HDHD5: variants seen among roughly 807,000 people sequenced by gnomAD.
HDHD5 encodes the protein haloacid dehalogenase like hydrolase domain containing 5, also known as haloacid dehalogenase-like hydrolase domain-containing 5.
HDHD5 carries 34 observed loss-of-function variants against 35.5 expected under a neutral mutation model. The ratio of observed to expected loss-of-function variants is 0.96; its 90% CI spans 0.73 to 1.28. The LOEUF (loss-of-function observed/expected upper bound fraction) is 1.28. HDHD5 is among the 50% of genes most tolerant of loss of function. HDHD5 has a pLI of 0.00. For synonymous variants in HDHD5, 248 were observed against 240.6 expected (o/e 1.03, Z -0.29); for missense variants, 589 against 560.2 (o/e 1.05, Z -0.52).
chr22:17,159,286 G>GCCC (rs746678755), upstream of HDHD5: 1,039 of 1,039,826 alleles, frequency 1.0e-3, 8 homozygotes, highest in African/African-American at 2.5e-3. Flanking sequence ...ACGGCGTGCG[G>GCCC]CCCCCCCCCC....
At chr22:17,160,075 T>G (rs552822980), upstream of HDHD5, among the ~76,000 whole-genome samples, 1 of 152,212 alleles carries the variant, frequency 6.6e-6, no homozygotes, top group African/African-American at 2.4e-5. Context: ...GAGGTCTCCA[T>G]TCCCACCGTT....
In HDHD5 at chr22:17,141,127, G is replaced by A. The variant is rs149316122; in HGVS notation, c.678C>T (p.Pro226=). The stretch of plus-strand genomic sequence containing the variant: ...TGGCTAGGACGGGGAGGTGGGGGTA[G>A]GGGGGTGTTGCCAGGCCAGCCCCAG... ...GSPGAGLATP[P]YPHLPVLASN... Residue 226 remains proline, a synonymous_variant, in exon 6 of 8, where the codon CCC becomes CCT. Coordinates refer to ENST00000336737, the MANE Select transcript of HDHD5 (RefSeq NM_033070.3). 84 of 1,594,748 alleles carry A rather than the reference G, an allele frequency of 5.3e-5. No homozygotes were observed. The highest frequency in any genetic ancestry group is 7.0e-5 in the Non-Finnish European group (82 of 1,172,520).
rs2061707423 is a variant in HDHD5, at chr22:17,149,895, C to T, written c.127-150G>A. On this transcript the variant is annotated intron_variant, in intron 1 of 7. Transcript: ENST00000336737. ...AAATGAAGATGGGATTCTGATAGGG[C>T]AATCTTTAAATAGAAAATAGAGAAA... 4.9e-6 allele frequency: 3 copies of T among 617,582 alleles called. No individual in the cohort carries two copies. The South Asian group carries it at 6.0e-5, about 12-fold the overall frequency. The allele number at this position is 617,582 out of a possible 1,614,324, so 38.3% of individuals were successfully genotyped here.
In HDHD5 at chr22:17,149,690, T is replaced by C. The variant is rs777140723; in HGVS notation, c.182A>G (p.His61Arg). ...LDIDGVLVRG[H>R]RVIPAALKAF... ...TTTCAGAGCAGCAGGGATCACTCTG[T>C]GGCCCCGCACAAGCACTCCATCGAT... The change falls in exon 2 of 8, where the codon CAC becomes CGC. Residue 61 changes from histidine (H) to arginine (R), a missense_variant. Coordinates refer to ENST00000336737, the MANE Select transcript of HDHD5 (RefSeq NM_033070.3). 8 of 1,614,038 alleles carry C rather than the reference T, an allele frequency of 5.0e-6. No homozygotes were observed. Among genetic ancestry groups the C allele is most frequent in the Admixed American group, 1.7e-5 (1 of 60,026 alleles).
At chr22:17,162,097 A>G (rs991935491), upstream of HDHD5, among the ~76,000 whole-genome samples, 2 of 152,184 alleles carry the variant, frequency 1.3e-5, no homozygotes, top group Non-Finnish European at 2.9e-5. Context: ...TCATGTGGTG[A>G]GGCCATTCAA....
chr22:17,138,500 G>C, intron 7 of HDHD5, 50 bp downstream of exon 7: 1 of 1,579,544 alleles, frequency 6.3e-7, no homozygotes, highest in Non-Finnish European at 8.7e-7. Flanking sequence ...GAGGAGGAGG[G>C]AGAGAAGGGG....
intron 1 of HDHD5, among the ~76,000 whole-genome samples, chr22:17,157,980 A>G (rs767033180): frequency 6.6e-6 from 1 of 152,202 alleles, no homozygotes; most frequent in Non-Finnish European, 1.5e-5. Context: ...ACTGTGAAGT[A>G]CTTAGAATAG....
At chr22:17,148,300 C>T (rs1480676042) in intron 3 of HDHD5, 148 bp downstream of exon 3, 12 of 694,990 alleles carry the variant, frequency 1.7e-5, no homozygotes, top group South Asian at 5.1e-5. Context: ...TGACCACAGT[C>T]GGGAGCTGTC....
rs1369488924 is a variant in HDHD5, at chr22:17,148,532, T to A, written c.359A>T (p.His120Leu). ...CTCGGAGAAGAGCTTCATGGGGCTGTGAGAGAGGATAACTTGGTCTGCATC... is the reference window on the plus strand; with the variant it reads ...CTCGGAGAAGAGCTTCATGGGGCTGAGAGAGAGGATAACTTGGTCTGCATC... ...EVDADQVILS[H>L]SPMKLFSEYH... The change falls in exon 3 of 8, where the codon CAC becomes CTC. Residue 120 changes from histidine to leucine, a missense_variant. Coordinates refer to ENST00000336737, the MANE Select transcript of HDHD5 (RefSeq NM_033070.3). 2 of 1,613,736 alleles carry A rather than the reference T, an allele frequency of 1.2e-6. No homozygotes were observed. Among genetic ancestry groups the A allele is most frequent in the African/African-American group, 2.7e-5 (2 of 74,818 alleles).
intron 3 of HDHD5, among the ~76,000 whole-genome samples, chr22:17,147,417 A>G (rs1478443190): frequency 9.7e-5 from 10 of 102,786 alleles, no homozygotes; most frequent in Admixed American, 2.5e-4. Context: ...CACACCTGCG[A>G]CGCCCTCCTG....
At chr22:17,140,926 G>T (rs2061592562) in intron 6 of HDHD5, 133 bp downstream of exon 6, 1 of 733,006 alleles carries the variant, frequency 1.4e-6, no homozygotes, top group Non-Finnish European at 2.1e-6. Flanking sequence ...GGTTACTGCA[G>T]CAACAACAGG....
Position 17,159,218 on chromosome 22 carries a change from C to T in HDHD5, c.34G>A (p.Ala12Thr), listed in dbSNP as rs2061840366. 3 of 1,207,824 alleles carry T rather than the reference C, an allele frequency of 2.5e-6. No homozygotes were observed. Among genetic ancestry groups the T allele is most frequent in the Non-Finnish European group, 3.1e-6 (3 of 973,396 alleles). 74.8% of individuals were successfully genotyped at this position (1,207,824 alleles called of 1,614,324 possible). The change falls in exon 1 of 8, where the codon GCG becomes ACG. Residue 12 changes from alanine to threonine, a missense_variant. Physicochemically the swap from Ala to Thr is moderately conservative, Grantham distance 58. Transcript: ENST00000336737. ...AAWGCVAALG[A>T]ARGLCWRAAR... ...GCCCGCCAGCAAAGCCCACGCGCCG[C>T]GCCGAGCGCAGCCACACAGCCCCAC...
At position 17,141,211 on chromosome 22, in the gene HDHD5, C is replaced by T. The variant is rs770632680; in HGVS notation, c.594G>A (p.Pro198=). 1.6e-5 allele frequency: 26 copies of T among 1,596,346 alleles called. No individual in the cohort carries two copies. Among genetic ancestry groups the T allele is most frequent in the East Asian group, 7.0e-5 (3 of 42,588 alleles). ...RIEGVLLLGE[P]VRWETSLQLI... is the part of the protein sequence containing the mutation. ...GCTGCAGGCTGGTCTCCCAGCGGAC[C>T]GGCTCCCCTAGGAGGAGCACCCCTT... The change falls in exon 6 of 8, where the codon CCG becomes CCA. Residue 198 remains proline (P), a synonymous_variant. Coordinates refer to ENST00000336737, the MANE Select transcript of HDHD5 (RefSeq NM_033070.3).
At chr22:17,152,377 G>T (rs1425444616) in intron 1 of HDHD5, among the ~76,000 whole-genome samples, 2 of 152,106 alleles carry the variant, frequency 1.3e-5, no homozygotes, top group Admixed American at 6.5e-5. Flanking sequence ...AGATCAGGGG[G>T]CATTATCAGA....
At chr22:17,159,490 C>G (rs1461798972), upstream of HDHD5, 1 of 492,670 alleles carries the variant, frequency 2.0e-6, no homozygotes, top group Non-Finnish European at 3.9e-6. Context: ...CTGGCCGCGG[C>G]GCACAATGGG....
intron 3 of HDHD5, among the ~76,000 whole-genome samples, chr22:17,147,438 G>A (rs532952705): frequency 8.1e-6 from 1 of 123,956 alleles, no homozygotes. Flanking sequence ...TGAGCTTACC[G>A]GCCTTCACAT....
intron 1 of HDHD5, among the ~76,000 whole-genome samples, chr22:17,154,313 T>C (rs2061760541): frequency 6.6e-6 from 1 of 151,430 alleles, no homozygotes; most frequent in African/African-American, 2.4e-5. Flanking sequence ...AGAAACCCTG[T>C]CTCTATTAAA....
At chr22:17,148,413 C>T in intron 3 of HDHD5, 35 bp downstream of exon 3, 2 of 1,554,670 alleles carry the variant, frequency 1.3e-6, no homozygotes, top group Non-Finnish European at 1.8e-6. Flanking sequence ...AGCCCTGCCC[C>T]TTCCCTTCAG....
At chr22:17,159,642 C>A (rs2061848225), upstream of HDHD5, 118 of 382,712 alleles carry the variant, frequency 3.1e-4, 1 homozygote, top group South Asian at 2.1e-3. Context: ...AGGGCCGGGC[C>A]GCTGGGGCAG....
Sources: allele counts gnomAD v4.1 joint callset (sites outside exome capture counted in the v4.1 genomes callset), GRCh38; gene constraint gnomAD v4.1.1; transcripts MANE v1.5; gene names NCBI Gene and HGNC (gene_info 2026-07-23, HGNC 2026-07-21).